GNB4: variants seen among roughly 807,000 people sequenced by gnomAD.
The protein encoded by GNB4 is G protein subunit beta 4.
In GNB4, 28 loss-of-function variants were observed where a neutral mutation model predicts 45.2. That is an observed-to-expected ratio of 0.62 (90% confidence interval 0.46 to 0.85). The LOEUF (loss-of-function observed/expected upper bound fraction) is 0.85. Ranked by LOEUF, GNB4 falls within the 40% of genes least tolerant of loss-of-function variation. The pLI, the probability that GNB4 is intolerant of heterozygous loss-of-function variation, is 0.00. For missense variants in GNB4, 321 were observed against 425.4 expected, an observed-to-expected ratio of 0.75 and a Z score of 2.16; for synonymous variants, 132 against 143.7, an observed-to-expected ratio of 0.92 and a Z score of 0.58.
chr3:179,417,740 G>C (rs1188359681), intron 4 of GNB4, among the ~76,000 whole-genome samples: 2 of 152,196 alleles, frequency 1.3e-5, no homozygotes. Context: ...AATAAAAAAG[G>C]ATATACAGAA....
chr3:179,512,931 C>G, the GNB4 span, among the ~76,000 whole-genome samples: 5 of 152,150 alleles, frequency 3.3e-5, no homozygotes, highest in East Asian at 3.9e-4. Context: ...ATTTAGTCTA[C>G]TAAAATTTAT....
chr3:179,523,248 T>C, the GNB4 span, among the ~76,000 whole-genome samples: 5 of 151,682 alleles, frequency 3.3e-5, no homozygotes, highest in East Asian at 1.9e-4. Flanking sequence ...AGGAAGAAAT[T>C]TGGGCTTGAT....
chr3:179,498,778 TTATTA>T, the GNB4 span, among the ~76,000 whole-genome samples: 1 of 148,856 alleles, frequency 6.7e-6, no homozygotes, highest in African/African-American at 2.5e-5. Context: ...GCCTCTTTCT[TTATTA>T]TATTTTAAGT....
chr3:179,413,343 A>C, intron 8 of GNB4, 69 bp downstream of exon 8: 1 of 1,236,892 alleles, frequency 8.1e-7, no homozygotes, highest in South Asian at 1.2e-5. Flanking sequence ...ATTTGTTGTT[A>C]AAATCATGCC....
the GNB4 span, among the ~76,000 whole-genome samples, chr3:179,506,396 T>C: frequency 6.6e-6 from 1 of 152,176 alleles, no homozygotes; most frequent in Non-Finnish European, 1.5e-5. Context: ...GCAGTATTTA[T>C]CTTTGAGTGA....
the GNB4 span, among the ~76,000 whole-genome samples, chr3:179,486,996 T>C: frequency 6.6e-6 from 1 of 152,204 alleles, no homozygotes; most frequent in Non-Finnish European, 1.5e-5. Flanking sequence ...GGCCTGTAAT[T>C]AGACAACACT....
chr3:179,460,535 G>A, the GNB4 span, among the ~76,000 whole-genome samples: 1 of 152,146 alleles, frequency 6.6e-6, no homozygotes, highest in Admixed American at 6.5e-5. Context: ...ATGAATAAGT[G>A]TTTCATCTTG....
the GNB4 span, among the ~76,000 whole-genome samples, chr3:179,512,782 T>TGTGTGTATGTGC: frequency 6.6e-6 from 1 of 152,170 alleles, no homozygotes; most frequent in Non-Finnish European, 1.5e-5. Context: ...AGTAGGAGTG[T>TGTGTGTATGTGC]GTGTGTATGT....
the GNB4 span, among the ~76,000 whole-genome samples, chr3:179,488,681 G>A: frequency 1.3e-5 from 2 of 151,854 alleles, no homozygotes; most frequent in Admixed American, 1.3e-4. Flanking sequence ...CCAAGTGTTC[G>A]TGACTCTAAA....
intron 1 of GNB4, among the ~76,000 whole-genome samples, chr3:179,447,758 C>G (rs988241622): frequency 6.6e-6 from 1 of 152,144 alleles, no homozygotes; most frequent in Non-Finnish European, 1.5e-5. Flanking sequence ...ATGGTCCAAT[C>G]TGCAGTGATT....
At chr3:179,458,061 C>T in the GNB4 span, among the ~76,000 whole-genome samples, 8 of 152,262 alleles carry the variant, frequency 5.3e-5, no homozygotes, top group South Asian at 6.2e-4. Context: ...CCTGCCACCA[C>T]GCTCAGGTAA....
chr3:179,485,030 A>C, the GNB4 span, among the ~76,000 whole-genome samples: 6 of 72,642 alleles, frequency 8.3e-5, no homozygotes, highest in African/African-American at 4.2e-4. Context: ...TTTTTTTTTG[A>C]GACGGAGTCT....
intron 1 of GNB4, among the ~76,000 whole-genome samples, chr3:179,450,499 A>C (rs1715840563): frequency 6.6e-6 from 1 of 152,242 alleles, no homozygotes; most frequent in Non-Finnish European, 1.5e-5. Context: ...CTTCCCGCTA[A>C]GCCACACGCC....
chr3:179,411,207 T>G (rs1018016843), intron 8 of GNB4, among the ~76,000 whole-genome samples: 2 of 152,100 alleles, frequency 1.3e-5, no homozygotes, highest in Admixed American at 6.5e-5. Flanking sequence ...ACTCACTCAG[T>G]GAATATATGG....
chr3:179,403,999 G>A (rs1025411599), intron 9 of GNB4, among the ~76,000 whole-genome samples: 5 of 151,758 alleles, frequency 3.3e-5, no homozygotes, highest in Admixed American at 2.0e-4. Context: ...ATGAGTTTCC[G>A]GATCAAAAAG....
the GNB4 span, among the ~76,000 whole-genome samples, chr3:179,514,716 C>T: frequency 6.6e-6 from 1 of 152,068 alleles, no homozygotes; most frequent in African/African-American, 2.4e-5. Flanking sequence ...AAAAGGTGGC[C>T]ACCTGCAAGC....
At chr3:179,475,916 T>C in the GNB4 span, among the ~76,000 whole-genome samples, 1 of 152,240 alleles carries the variant, frequency 6.6e-6, no homozygotes, top group Admixed American at 6.5e-5. Context: ...CAGTGGCAAT[T>C]ACATTTCAAC....
At position 179,399,890 on chromosome 3, in the gene GNB4, A is replaced by G. The variant is rs1050621490; in HGVS notation, c.*1323T>C. On this transcript the variant is annotated 3_prime_UTR_variant, in exon 10 of 10. Transcript: ENST00000232564. ...AGACTTATTTGTAAAAGAGAATCCA[A>G]CAGGAAAAGTATCTTTAACTTGGTC... The G allele has an allele frequency of 6.6e-6, 1 of 152,234 alleles. No homozygotes were observed. Among genetic ancestry groups the G allele is most frequent in the African/African-American group, 2.4e-5 (1 of 41,466 alleles). 9.4% of individuals were successfully genotyped at this position (152,234 alleles called of 1,614,324 possible). A position where few individuals can be genotyped will look rare whatever the true frequency, so the allele number is the denominator to read the frequency against.
At chr3:179,423,236 C>G (rs577613931) in intron 2 of GNB4, among the ~76,000 whole-genome samples, 1 of 152,114 alleles carries the variant, frequency 6.6e-6, no homozygotes, top group Non-Finnish European at 1.5e-5. Flanking sequence ...TAGTGAGATA[C>G]GGAGATGATT....
Sources: gnomAD v4.1 joint callset for allele counts (sites outside exome capture counted in the v4.1 genomes callset) on GRCh38, gnomAD v4.1.1 for gene constraint, MANE v1.5 for transcripts, NCBI Gene and HGNC (gene_info 2026-07-23, HGNC 2026-07-21) for gene names.